EYA2: variants seen among roughly 807,000 people sequenced by gnomAD.
EYA2 encodes the protein EYA transcriptional coactivator and phosphatase 2, also known as protein phosphatase EYA2.
Under a neutral mutation model 69.2 loss-of-function variants are expected in EYA2, and 31 were observed. The observed-to-expected ratio is 0.45, with a 90% CI of 0.34 to 0.60. EYA2 has a LOEUF of 0.60. EYA2 is among the 20% of genes least tolerant of loss of function. The probability of loss-of-function intolerance (pLI) is 0.02; values close to 1 mark genes in which losing one functional copy is unlikely to be tolerated. For missense variants in EYA2, 622 were observed against 701.2 expected (o/e 0.89, Z 1.28); for synonymous variants, 257 against 279.4 (o/e 0.92, Z 0.80).
intron 1 of EYA2, among the ~76,000 whole-genome samples, chr20:46,932,359 G>T (rs1448587599): frequency 3.9e-5 from 6 of 152,236 alleles, no homozygotes; most frequent in African/African-American, 1.2e-4. Context: ...AGTGGTACAT[G>T]GCTTTAAAGG....
At chr20:46,906,721 C>CTTG (rs1356734636) in intron 1 of EYA2, among the ~76,000 whole-genome samples, 4 of 152,242 alleles carry the variant, frequency 2.6e-5, no homozygotes, top group Non-Finnish European at 5.9e-5. Flanking sequence ...CAAGGTCACC[C>CTTG]AGCAAGTGCA....
chr20:47,130,410 G>T (rs1039670980), intron 9 of EYA2, among the ~76,000 whole-genome samples: 2 of 150,302 alleles, frequency 1.3e-5, no homozygotes, highest in African/African-American at 2.5e-5. Context: ...GACTACAGGC[G>T]CCCGCCATCA....
At chr20:47,030,099 G>A (rs930180168) in intron 5 of EYA2, among the ~76,000 whole-genome samples, 3 of 152,174 alleles carry the variant, frequency 2.0e-5, no homozygotes, top group African/African-American at 7.2e-5. Context: ...ACAAAAGCAG[G>A]TGGTGGGTTG....
intron 10 of EYA2, among the ~76,000 whole-genome samples, chr20:47,159,189 C>T (rs1227672104): frequency 6.6e-6 from 1 of 151,884 alleles, no homozygotes; most frequent in African/African-American, 2.4e-5. Context: ...GTGGAGAACC[C>T]TGATGAAGAC....
intron 8 of EYA2, 80 bp downstream of exon 8, chr20:47,089,461 T>C: frequency 6.7e-7 from 1 of 1,484,020 alleles, no homozygotes; most frequent in Admixed American, 2.1e-5. Flanking sequence ...CAGAGTTTTC[T>C]CCAAGTACGA....
intron 2 of EYA2, among the ~76,000 whole-genome samples, chr20:47,000,173 A>G (rs1377359966): frequency 6.6e-6 from 1 of 152,244 alleles, no homozygotes; most frequent in Non-Finnish European, 1.5e-5. Flanking sequence ...ACTTATGAGG[A>G]TTAAAATAAT....
intron 10 of EYA2, among the ~76,000 whole-genome samples, chr20:47,152,439 G>C (rs2033841466): frequency 6.7e-6 from 1 of 148,384 alleles, no homozygotes; most frequent in Non-Finnish European, 1.5e-5. Context: ...ATTCACATTA[G>C]TGTCAGTGTG....
intron 1 of EYA2, among the ~76,000 whole-genome samples, chr20:46,906,519 A>G: frequency 6.6e-6 from 1 of 152,246 alleles, no homozygotes. Context: ...TGAAAGAAGA[A>G]TAACTAACCT....
At position 47,123,072 on chromosome 20, in the gene EYA2, G is replaced by A. The variant is rs182394421; in HGVS notation, c.889-19987G>A. ...ATAATACTCACCTTATAGGGTCACT[G>A]GGGGAGGATTACATGAGTTAATACA... On this transcript the variant is annotated intron_variant, in intron 9 of 15. Coordinates refer to ENST00000327619, the MANE Select transcript of EYA2 (RefSeq NM_005244.5). Among the ~76,000 whole-genome samples the A allele has an allele frequency of 2.7e-3, 415 of 152,232 alleles. 2 individuals are homozygous for A. The highest frequency in any genetic ancestry group is 9.5e-3 in the African/African-American group (394 of 41,530).
chr20:47,041,423 G>A (rs1985061365), intron 5 of EYA2, among the ~76,000 whole-genome samples: 1 of 152,164 alleles, frequency 6.6e-6, no homozygotes, highest in Admixed American at 6.5e-5. Flanking sequence ...TTTCTTCTGT[G>A]TCCTTCAAGA....
chr20:47,099,217 G>A (rs967978965), intron 9 of EYA2, among the ~76,000 whole-genome samples: 2 of 152,198 alleles, frequency 1.3e-5, no homozygotes, highest in Non-Finnish European at 2.9e-5. Flanking sequence ...GCTTTTCCTG[G>A]AAATTGTCTC....
intron 15 of EYA2, among the ~76,000 whole-genome samples, chr20:47,186,231 G>C (rs942604408): frequency 6.6e-5 from 10 of 151,996 alleles, no homozygotes; most frequent in Non-Finnish European, 1.3e-4. Context: ...GACCTGTACA[G>C]AAGGCCCCAC....
chr20:47,176,796 C>CTT (rs11470269), intron 12 of EYA2, among the ~76,000 whole-genome samples: 4 of 146,958 alleles, frequency 2.7e-5, no homozygotes, highest in Non-Finnish European at 1.5e-5. Context: ...ATCCTTCTTT[C>CTT]TTTTTTTTTT....
intron 2 of EYA2, among the ~76,000 whole-genome samples, chr20:46,998,742 G>GTT (rs757534825): frequency 2.0e-5 from 3 of 152,178 alleles, no homozygotes; most frequent in Non-Finnish European, 4.4e-5. Context: ...TCTACATAGA[G>GTT]TTTAATACAC....
At chr20:46,930,025 T>C (rs1985598943) in intron 1 of EYA2, among the ~76,000 whole-genome samples, 1 of 152,190 alleles carries the variant, frequency 6.6e-6, no homozygotes, top group East Asian at 1.9e-4. Flanking sequence ...ATGTTTCTGA[T>C]TTGGATGAAA....
chr20:47,095,409 G>T (rs910010688), intron 8 of EYA2, among the ~76,000 whole-genome samples: 1 of 151,954 alleles, frequency 6.6e-6, no homozygotes, highest in African/African-American at 2.4e-5. Flanking sequence ...AAAGATGGGA[G>T]AAAATTATTA....
chr20:47,180,058 A>T, intron 13 of EYA2, 146 bp downstream of exon 13: 1 of 615,914 alleles, frequency 1.6e-6, no homozygotes, highest in Non-Finnish European at 2.8e-6. Context: ...TTTGATATGG[A>T]GTCTCACTCT....
intron 3 of EYA2, among the ~76,000 whole-genome samples, chr20:47,004,567 A>T (rs978137139): frequency 6.6e-6 from 1 of 152,246 alleles, no homozygotes; most frequent in Non-Finnish European, 1.5e-5. Context: ...TCAGGGATCC[A>T]GGGTGTTTCC....
intron 5 of EYA2, among the ~76,000 whole-genome samples, chr20:47,055,341 T>C (rs547099709): frequency 6.6e-6 from 1 of 152,224 alleles, no homozygotes; most frequent in African/African-American, 2.4e-5. Context: ...GCAGGAAGAA[T>C]AGGTATTTGG....
Sources: gnomAD v4.1 joint callset for allele counts (sites outside exome capture counted in the v4.1 genomes callset) on GRCh38, gnomAD v4.1.1 for gene constraint, MANE v1.5 for transcripts, NCBI Gene and HGNC (gene_info 2026-07-23, HGNC 2026-07-21) for gene names.